The following FHAD1 variants were observed in gnomAD, a reference collection of about 807,000 sequenced individuals.
The protein encoded by FHAD1 is forkhead-associated domain-containing protein 1.
A neutral mutation model predicts 191.3 loss-of-function variants in FHAD1; 146 were observed. The observed-to-expected ratio is 0.76, with a 90% CI of 0.67 to 0.88. The LOEUF (loss-of-function observed/expected upper bound fraction) is 0.88, where lower values mean the gene tolerates loss of function less well. Among genes scored for constraint, FHAD1 ranks in the 40% least tolerant of loss-of-function variants. The probability of loss-of-function intolerance (pLI) is 0.00; values close to 1 mark genes in which losing one functional copy is unlikely to be tolerated. For missense variants in FHAD1, 1,635 were observed against 1,785.8 expected, an observed-to-expected ratio of 0.92 and a Z score of 1.52; for synonymous variants, 616 against 672.3, an observed-to-expected ratio of 0.92 and a Z score of 1.29.
At chr1:15,380,379 AACACTGCC>A (rs1280569815) in intron 28 of FHAD1, among the ~76,000 whole-genome samples, 1 of 152,208 alleles carries the variant, frequency 6.6e-6, no homozygotes, top group Non-Finnish European at 1.5e-5. Flanking sequence ...AATGTGTCCA[AACACTGCC>A]AAATGGCCCA....
intron 31 of FHAD1, chr1:15,384,050 T>A: frequency 4.7e-6 from 1 of 213,638 alleles, no homozygotes; most frequent in South Asian, 5.2e-5. Flanking sequence ...TTTGGCTGTG[T>A]GTGACACTAT....
At chr1:15,317,987 C>A in intron 10 of FHAD1, 59 bp downstream of exon 10, 2 of 1,070,110 alleles carry the variant, frequency 1.9e-6, no homozygotes, top group Non-Finnish European at 2.8e-6. Context: ...CACTCATCAT[C>A]CCTGTTAGTC....
chr1:15,284,700 G>A (rs1196293597), intron 3 of FHAD1, among the ~76,000 whole-genome samples: 1 of 152,070 alleles, frequency 6.6e-6, no homozygotes, highest in Non-Finnish European at 1.5e-5. Flanking sequence ...CAAGAAACAA[G>A]GAGATCATCC....
At chr1:15,295,018 A>C (rs1666454012) in intron 4 of FHAD1, among the ~76,000 whole-genome samples, 1 of 152,220 alleles carries the variant, frequency 6.6e-6, no homozygotes, top group Admixed American at 6.5e-5. Context: ...TACTGTAAGT[A>C]ATGGAATAAT....
chr1:15,295,916 G>A lies in FHAD1; in HGVS notation c.569-768G>A, dbSNP rs374190437. Among the ~76,000 whole-genome samples, 33 of 152,340 alleles carry A rather than the reference G, an allele frequency of 2.2e-4. No individual in the cohort carries two copies. The East Asian group carries it at 3.7e-3, about 17-fold the overall frequency. On this transcript the variant is annotated intron_variant, in intron 4 of 33. Coordinates refer to ENST00000688493, the MANE Select transcript of FHAD1 (RefSeq NM_001391957.1). ...AAAACTGTACTTTCAGTCATAGGCT[G>A]GATTCAGCCCCAGGGCTGTAGTTTG...
chr1:15,316,509 C>A lies in FHAD1; in HGVS notation c.1260+42C>A. The stretch of plus-strand genomic sequence containing the variant: ...CCTTTGTAGGTACCACCAGAAAAAA[C>A]AGAGTTTGACCTTGAGGTTCTTGGT... On this transcript the variant is annotated intron_variant, in intron 9 of 33. Transcript: ENST00000688493. The surrounding 1 kb of genome is among the most constrained non-coding windows in gnomAD (Gnocchi z 4.3). 6.6e-7 allele frequency: 1 copy of A among 1,519,014 alleles called. No individual in the cohort carries two copies. The highest frequency in any genetic ancestry group is 8.9e-7 in the Non-Finnish European group (1 of 1,118,268). The allele number at this position is 1,519,014 out of a possible 1,614,324, so 94.1% of individuals were successfully genotyped here.
chr1:15,383,665 A>C, intron 31 of FHAD1: 1 of 302,300 alleles, frequency 3.3e-6, no homozygotes, highest in Non-Finnish European at 6.6e-6. Context: ...GGGGTTAGGC[A>C]AGTCAGGGAA....
chr1:15,351,150 G>A (rs1189136627), intron 19 of FHAD1, among the ~76,000 whole-genome samples: 1 of 152,186 alleles, frequency 6.6e-6, no homozygotes, highest in Non-Finnish European at 1.5e-5. Context: ...TTCAAGACCA[G>A]CCTGGCCAAC....
chr1:15,388,504 G>A, intron 32 of FHAD1: 1 of 553,218 alleles, frequency 1.8e-6, no homozygotes, highest in Non-Finnish European at 2.5e-6. Context: ...TTGGGGACTT[G>A]GAGGCAAGGT....
rs539967509 is a variant in FHAD1 at position 15,289,288 on chromosome 1, G to A, written c.301-111G>A. On this transcript the variant is annotated intron_variant, in intron 3 of 33. Coordinates refer to ENST00000688493, the MANE Select transcript of FHAD1 (RefSeq NM_001391957.1). The surrounding 1 kb of genome is among the most constrained non-coding windows in gnomAD (Gnocchi z 4.2). ...TAGCTGTGTGCCACCCTGCCCGACCGGAAGTGACTCATAAACCAAGACCTT... is the reference window on the plus strand; with the variant it reads ...TAGCTGTGTGCCACCCTGCCCGACCAGAAGTGACTCATAAACCAAGACCTT... The A allele has an allele frequency of 3.8e-5, 54 of 1,402,678 alleles. No homozygotes were observed. Among genetic ancestry groups the A allele is most frequent in the Admixed American group, 2.5e-4 (10 of 39,478 alleles). The allele number at this position is 1,402,678 out of a possible 1,614,324, so 86.9% of individuals were successfully genotyped here. A position where few individuals can be genotyped will look rare whatever the true frequency, so the allele number is the denominator to read the frequency against.
Position 15,312,057 on chromosome 1 carries a change from T to G in FHAD1, c.1040-1000T>G, listed in dbSNP as rs1461385655. 4 of 152,280 alleles carry G rather than the reference T, an allele frequency of 2.6e-5. No individual in the cohort carries two copies. The highest frequency in any genetic ancestry group is 1.3e-4 in the Admixed American group (2 of 15,282). The allele number at this position is 152,280 out of a possible 1,614,324, so 9.4% of individuals were successfully genotyped here. ...TTGAGTGTCCTCACAACATGGCGGTTGGCTTTCCCCAGACTGAGTGATCCA... is the reference window on the plus strand; with the variant it reads ...TTGAGTGTCCTCACAACATGGCGGTGGGCTTTCCCCAGACTGAGTGATCCA... On this transcript the variant is annotated intron_variant, in intron 7 of 33. Coordinates refer to ENST00000688493, the MANE Select transcript of FHAD1 (RefSeq NM_001391957.1). This position sits in a 1 kb window ranked among gnomAD's most constrained non-coding sequence, Gnocchi z 4.7.
chr1:15,378,647 C>T (rs1474153030), intron 28 of FHAD1, among the ~76,000 whole-genome samples: 1 of 152,240 alleles, frequency 6.6e-6, no homozygotes, highest in Non-Finnish European at 1.5e-5. Context: ...GCTTTATTCT[C>T]ATCTCATAGA....
intron 31 of FHAD1, chr1:15,383,819 C>T (rs1452512298): frequency 2.4e-5 from 10 of 418,704 alleles, no homozygotes; most frequent in South Asian, 6.9e-5. Flanking sequence ...GAGGAAACTG[C>T]GCCTCAGAGA....
rs961864989 is a variant in FHAD1, at chr1:15,272,521, C to A, written c.292C>A (p.Pro98Thr). 11 of 1,545,150 alleles carry A rather than the reference C, an allele frequency of 7.1e-6. No individual in the cohort carries two copies. The highest frequency in any genetic ancestry group is 9.6e-6 in the Non-Finnish European group (11 of 1,142,954). Residue 98 changes from proline (P) to threonine (T), a missense_variant, in exon 3 of 34, where the codon CCA becomes ACA. Transcript: ENST00000688493. ...GACCTATGAACTGGTCATTGAAAAT[C>A]CACCTCCGGTGAGTCCGGGCCACTG... The part of the protein sequence containing the change: ...GLTYELVIEN[P>T]PPVSFPWMRG...
rs371115593 is a variant in FHAD1 at position 15,301,460 on chromosome 1, G to A, written c.915+19G>A. 6.5e-7 allele frequency: 1 copy of A among 1,546,096 alleles called. No homozygotes were observed. Among genetic ancestry groups the A allele is most frequent in the African/African-American group, 1.4e-5 (1 of 72,844 alleles). ...AAGCCAGGTAGGCAGAGCCTGAGAG[G>A]TACAGCACAGCTCTCAGGCCAAGGC... On this transcript the variant is annotated intron_variant, in intron 6 of 33. Transcript: ENST00000688493.
intron 19 of FHAD1, 112 bp from the exon 20 acceptor site, chr1:15,352,765 T>G (rs1036744441): frequency 1.3e-6 from 1 of 750,182 alleles, no homozygotes; most frequent in Non-Finnish European, 2.2e-6. Flanking sequence ...TTTGAGATCT[T>G]TCTCTCCAAC....
At chr1:15,262,085 A>G (rs111428003) in intron 2 of FHAD1, among the ~76,000 whole-genome samples, 4 of 152,240 alleles carry the variant, frequency 2.6e-5, no homozygotes, top group African/African-American at 9.6e-5. Flanking sequence ...AATTTTGCCA[A>G]ATAGTATCTT....
At chr1:15,265,420 C>T (rs920430431) in intron 2 of FHAD1, among the ~76,000 whole-genome samples, 2 of 152,184 alleles carry the variant, frequency 1.3e-5, no homozygotes, top group East Asian at 3.8e-4. Context: ...ATGTTGGCAG[C>T]AGAGCTTTCT....
chr1:15,353,575 C>T (rs1293028389), intron 20 of FHAD1, among the ~76,000 whole-genome samples: 1 of 151,694 alleles, frequency 6.6e-6, no homozygotes, highest in African/African-American at 2.4e-5. Context: ...CGTGGTGGCA[C>T]GCGCCTGTAA....
Sources: gnomAD v4.1 joint callset for allele counts (sites outside exome capture counted in the v4.1 genomes callset) on GRCh38, gnomAD v4.1.1 for gene constraint, Gnocchi (gnomAD v3.1) non-coding constraint, MANE v1.5 for transcripts, NCBI Gene and HGNC (gene_info 2026-07-23, HGNC 2026-07-21) for gene names.